Variants in CBLB observed in about 807,000 individuals in gnomAD.
The protein encoded by CBLB is E3 ubiquitin-protein ligase CBL-B.
Under a neutral mutation model 104.9 loss-of-function variants are expected in CBLB, and 31 were observed. The ratio of observed to expected loss-of-function variants is 0.30; its 90% CI spans 0.22 to 0.40. CBLB has a LOEUF of 0.40. Among genes scored for constraint, CBLB ranks in the 10% least tolerant of loss-of-function variants. The pLI is 1.00. For synonymous variants in CBLB, 440 were observed against 422.6 expected, an observed-to-expected ratio of 1.04 and a Z score of -0.51; for missense variants, 1,062 against 1,214.6, an observed-to-expected ratio of 0.87 and a Z score of 1.87.
At chr3:105,761,118 G>A (rs184041537) in intron 4 of CBLB, among the ~76,000 whole-genome samples, 44 of 152,162 alleles carry the variant, frequency 2.9e-4, no homozygotes, top group East Asian at 2.3e-3. Flanking sequence ...CTGCAACCTC[G>A]ACCTCCCAGG....
At chr3:105,748,942 T>A (rs1433010623) in intron 5 of CBLB, among the ~76,000 whole-genome samples, 1 of 152,168 alleles carries the variant, frequency 6.6e-6, no homozygotes, top group Non-Finnish European at 1.5e-5. Flanking sequence ...TAGTCAGAAG[T>A]CACTGCCAAT....
chr3:105,868,915 C>G lies in CBLB; in HGVS notation c.-194G>C, dbSNP rs1332336776. 9.9e-7 allele frequency: 1 copy of G among 1,013,342 alleles called. No individual in the cohort carries two copies. Among genetic ancestry groups the G allele is most frequent in the East Asian group, 1.1e-4 (1 of 8,904 alleles). The allele number at this position is 1,013,342 out of a possible 1,614,324, so 62.8% of individuals were successfully genotyped here. On this transcript the variant is annotated 5_prime_UTR_variant, in exon 1 of 19. Transcript: ENST00000394030. ...GACGTGGAAACGCAACAATTACCGT[C>G]AAGACAAATCCACACCCGCTCTCCC... is the stretch of plus-strand genomic sequence containing the variant.
intron 5 of CBLB, 123 bp from the exon 6 acceptor site, chr3:105,746,161 T>C (rs982576993): frequency 1.4e-6 from 1 of 697,938 alleles, no homozygotes; most frequent in Non-Finnish European, 2.4e-6. Flanking sequence ...AATCTGACCT[T>C]ATGTGGTTTA....
chr3:105,846,304 T>C (rs1045001096), intron 3 of CBLB, among the ~76,000 whole-genome samples: 7 of 152,086 alleles, frequency 4.6e-5, no homozygotes, highest in Non-Finnish European at 1.0e-4. Context: ...ATTTTTTAAA[T>C]GTAAAATTAT....
chr3:105,740,667 C>G (rs766056680), intron 6 of CBLB, 36 bp from the exon 7 acceptor site: 23 of 1,568,218 alleles, frequency 1.5e-5, no homozygotes, highest in Non-Finnish European at 1.9e-5. Flanking sequence ...TAATTACATT[C>G]AGAATATAAA....
intron 10 of CBLB, among the ~76,000 whole-genome samples, chr3:105,704,985 A>G (rs1437352486): frequency 1.3e-5 from 2 of 152,130 alleles, no homozygotes; most frequent in African/African-American, 4.8e-5. Flanking sequence ...AAAGCCATAC[A>G]GTTAATCAAG....
intron 3 of CBLB, among the ~76,000 whole-genome samples, chr3:105,825,044 A>G (rs1234556842): frequency 6.6e-6 from 1 of 152,128 alleles, no homozygotes; most frequent in East Asian, 1.9e-4. Context: ...ACTAACTGAA[A>G]TTATAGCATG....
chr3:105,694,586 G>A (rs1218095849), intron 12 of CBLB, among the ~76,000 whole-genome samples: 1 of 151,792 alleles, frequency 6.6e-6, no homozygotes, highest in African/African-American at 2.4e-5. Context: ...CTAAAATGAT[G>A]TGGAAGCTTT....
At chr3:105,719,568 T>C (rs765165135) in intron 10 of CBLB, among the ~76,000 whole-genome samples, 7 of 152,232 alleles carry the variant, frequency 4.6e-5, no homozygotes, top group Non-Finnish European at 7.3e-5. Context: ...CTCACGTGTT[T>C]GTGTGATGCT....
intron 3 of CBLB, among the ~76,000 whole-genome samples, chr3:105,837,322 T>G (rs998236267): frequency 1.3e-5 from 2 of 152,266 alleles, no homozygotes; most frequent in African/African-American, 4.8e-5. Flanking sequence ...ACTATTCATG[T>G]CGAAAGCATA....
intron 3 of CBLB, among the ~76,000 whole-genome samples, chr3:105,831,741 C>T (rs1319900341): frequency 6.6e-6 from 1 of 152,046 alleles, no homozygotes; most frequent in East Asian, 1.9e-4. Context: ...GATCTTTATC[C>T]CTCCCCTGAA....
intron 5 of CBLB, 142 bp from the exon 6 acceptor site, chr3:105,746,180 T>C: frequency 8.2e-6 from 5 of 610,210 alleles, no homozygotes; most frequent in Non-Finnish European, 1.4e-5. Flanking sequence ...TAGGTCAACC[T>C]TTGTTACTTA....
intron 3 of CBLB, among the ~76,000 whole-genome samples, chr3:105,818,700 C>CA: frequency 6.6e-6 from 1 of 151,994 alleles, no homozygotes. Flanking sequence ...AGAGAAACCG[C>CA]AAAAATTCTT....
At chr3:105,765,320 C>T (rs1000361031) in intron 4 of CBLB, among the ~76,000 whole-genome samples, 1 of 152,080 alleles carries the variant, frequency 6.6e-6, no homozygotes, top group Admixed American at 6.5e-5. Context: ...CCTAAATAAC[C>T]TCCAAAATAA....
intron 18 of CBLB, among the ~76,000 whole-genome samples, chr3:105,666,204 A>G (rs948118571): frequency 1.1e-4 from 16 of 152,174 alleles, no homozygotes; most frequent in African/African-American, 3.6e-4. Context: ...CAGATATCAA[A>G]ACTCTTAGAC....
At chr3:105,678,876 T>A (rs1041385326) in intron 16 of CBLB, among the ~76,000 whole-genome samples, 1 of 152,232 alleles carries the variant, frequency 6.6e-6, no homozygotes, top group African/African-American at 2.4e-5. Flanking sequence ...ATAGTTCACT[T>A]GTAACCTTTA....
chr3:105,690,872 A>T (rs1464369190), intron 13 of CBLB, among the ~76,000 whole-genome samples: 1 of 152,032 alleles, frequency 6.6e-6, no homozygotes, highest in Non-Finnish European at 1.5e-5. Context: ...CAGGTGTGGT[A>T]CACAGTCTGA....
chr3:105,730,863 A>C (rs955452547), intron 9 of CBLB, among the ~76,000 whole-genome samples: 1 of 152,156 alleles, frequency 6.6e-6, no homozygotes, highest in African/African-American at 2.4e-5. Flanking sequence ...TTTCTACTTT[A>C]CTTAGTAAAC....
intron 12 of CBLB, among the ~76,000 whole-genome samples, chr3:105,699,756 A>G (rs1249672362): frequency 6.6e-6 from 1 of 152,198 alleles, no homozygotes; most frequent in African/African-American, 2.4e-5. Flanking sequence ...GGTCTGTTTT[A>G]TAGTTTTGTG....
Sources: allele counts gnomAD v4.1 joint callset (sites outside exome capture counted in the v4.1 genomes callset), GRCh38; gene constraint gnomAD v4.1.1; transcripts MANE v1.5; gene names NCBI Gene and HGNC (gene_info 2026-07-23, HGNC 2026-07-21).